PRUNE2: variants seen among roughly 807,000 people sequenced by gnomAD.
PRUNE2 encodes the protein prune homolog 2 with BCH domain.
Under a neutral mutation model 252.0 loss-of-function variants are expected in PRUNE2, and 164 were observed. The observed-to-expected ratio is 0.65, with a 90% CI of 0.57 to 0.74. The LOEUF (loss-of-function observed/expected upper bound fraction) is 0.74. Ranked by LOEUF, PRUNE2 falls within the 30% of genes least tolerant of loss-of-function variation. The pLI is 0.00. For synonymous variants in PRUNE2, 1,292 were observed against 1,350.2 expected (o/e 0.96, Z 0.94); for missense variants, 3,495 against 3,711.0 (o/e 0.94, Z 1.51).
intron 1 of PRUNE2, among the ~76,000 whole-genome samples, chr9:76,894,716 G>GAA (rs1170899729): frequency 3.6e-5 from 4 of 110,710 alleles, no homozygotes; most frequent in South Asian, 2.4e-4. Flanking sequence ...ATTTTCTGCA[G>GAA]CAAAAAAAAA....
chr9:76,870,284 T>A (rs894948874), intron 1 of PRUNE2, among the ~76,000 whole-genome samples: 3 of 152,056 alleles, frequency 2.0e-5, no homozygotes, highest in African/African-American at 7.2e-5. Flanking sequence ...AACTTTTTTT[T>A]TTTTTGCAAC....
At chr9:76,662,303 C>T (rs2039250260) in intron 9 of PRUNE2, among the ~76,000 whole-genome samples, 1 of 152,116 alleles carries the variant, frequency 6.6e-6, no homozygotes, top group Admixed American at 6.5e-5. Flanking sequence ...TGGAAGTCTC[C>T]AATTTGAGAA....
At chr9:76,790,234 G>A (rs2055423555) in intron 6 of PRUNE2, among the ~76,000 whole-genome samples, 1 of 152,152 alleles carries the variant, frequency 6.6e-6, no homozygotes, top group Non-Finnish European at 1.5e-5. Context: ...GCAGCTTGAG[G>A]AAAGAGGCCA....
At chr9:76,762,907 G>C (rs1054392359) in intron 6 of PRUNE2, among the ~76,000 whole-genome samples, 3 of 152,176 alleles carry the variant, frequency 2.0e-5, no homozygotes, top group Non-Finnish European at 1.5e-5. Flanking sequence ...TGGATATTTG[G>C]TTTCTGATTT....
chr9:76,754,055 C>T (rs1236442053), intron 6 of PRUNE2, among the ~76,000 whole-genome samples: 1 of 152,092 alleles, frequency 6.6e-6, no homozygotes, highest in East Asian at 1.9e-4. Flanking sequence ...AAAGATGAGA[C>T]TGAGACTGGA....
At position 76,709,305 on chromosome 9, in the gene PRUNE2, A is replaced by G. The variant is rs150215838; in HGVS notation, c.2969T>C (p.Phe990Ser). 360 of 1,613,932 alleles carry G rather than the reference A, an allele frequency of 2.2e-4. 1 individual carries two copies. The African/African-American group carries it at 4.3e-3, about 19-fold the overall frequency. The change falls in exon 8 of 19, where the codon TTT becomes TCT. Residue 990 changes from phenylalanine (F) to serine (S), a missense_variant. By Grantham distance (155) the Phe-to-Ser change is radical (BLOSUM62 -2). Transcript: ENST00000376718. ...TGACTCAAAACCTTCCTCTTTAGCA[A>G]ATGGCTTGTGTTCAGTTTCCTTTTC... ...GDEKETEHKP[F>S]AKEEGFESKD...
intron 1 of PRUNE2, among the ~76,000 whole-genome samples, chr9:76,880,508 A>G (rs1343406): frequency 0.031 from 4,732 of 152,324 alleles, 258 homozygotes; most frequent in African/African-American, 0.11. Context: ...AAATTATGCT[A>G]GTAGTCACTG....
chr9:76,813,991 T>C (rs2057524164), intron 6 of PRUNE2, among the ~76,000 whole-genome samples: 1 of 152,148 alleles, frequency 6.6e-6, no homozygotes, highest in Non-Finnish European at 1.5e-5. Flanking sequence ...TAATTGTATT[T>C]TTAGTAGAGA....
intron 1 of PRUNE2, among the ~76,000 whole-genome samples, chr9:76,884,668 A>C (rs891114169): frequency 6.6e-6 from 1 of 152,222 alleles, no homozygotes; most frequent in African/African-American, 2.4e-5. Flanking sequence ...CATGTCTTAA[A>C]AGTTTTTATT....
intron 4 of PRUNE2, among the ~76,000 whole-genome samples, chr9:76,832,602 T>C (rs141467208): frequency 4.1e-4 from 63 of 152,114 alleles, no homozygotes; most frequent in Middle Eastern, 3.4e-3. Context: ...GGAAATTTTA[T>C]ACCCTTAAAA....
At chr9:76,868,873 C>T (rs897846984) in intron 1 of PRUNE2, 23 of 151,018 alleles carry the variant, frequency 1.5e-4, no homozygotes, top group African/African-American at 5.3e-4. Context: ...AGGCTTCTGC[C>T]GCTGTACACT....
At position 76,840,646 on chromosome 9, in the gene PRUNE2, T is replaced by C. The variant is rs146879813; in HGVS notation, c.508+5869A>G. On this transcript the variant is annotated intron_variant, in intron 4 of 18. Transcript: ENST00000376718. The stretch of plus-strand genomic sequence containing the variant: ...ACATTTCTTATGGCAAAGATGTGCA[T>C]AAAATATCGGCATTCTTTCAAGACC... 2.2e-3 allele frequency among the ~76,000 whole-genome samples: 336 copies of C among 152,338 alleles called. 4 individuals carry two copies. The South Asian group carries it at 0.032, about 15-fold the overall frequency.
intron 9 of PRUNE2, among the ~76,000 whole-genome samples, chr9:76,701,908 G>A (rs554357030): frequency 1.3e-5 from 2 of 152,160 alleles, no homozygotes; most frequent in South Asian, 2.1e-4. Flanking sequence ...CTAATTTTAC[G>A]CATGAGAAAA....
intron 9 of PRUNE2, among the ~76,000 whole-genome samples, chr9:76,671,832 C>T (rs1471272242): frequency 1.3e-5 from 2 of 151,426 alleles, no homozygotes; most frequent in Admixed American, 6.6e-5. Flanking sequence ...AAATAAAATA[C>T]TTTACAGACA....
At chr9:76,856,469 T>C (rs191007313) in intron 1 of PRUNE2, 8 of 152,346 alleles carry the variant, frequency 5.3e-5, no homozygotes, top group African/African-American at 9.6e-5. Context: ...GCAAGATTTG[T>C]GTGCCGATTC....
chr9:76,733,911 TAA>T (rs2048849935), intron 6 of PRUNE2, among the ~76,000 whole-genome samples: 1 of 150,684 alleles, frequency 6.6e-6, no homozygotes, highest in Admixed American at 6.6e-5. Flanking sequence ...GTCTGTTCCT[TAA>T]AAGTTTTAGT....
chr9:76,803,601 C>G (rs991534370), intron 6 of PRUNE2, among the ~76,000 whole-genome samples: 1 of 152,166 alleles, frequency 6.6e-6, no homozygotes, highest in Non-Finnish European at 1.5e-5. Context: ...ACTGCAATCT[C>G]AGAGAGGGTT....
At chr9:76,869,753 A>T (rs1413136800) in intron 1 of PRUNE2, among the ~76,000 whole-genome samples, 1 of 152,230 alleles carries the variant, frequency 6.6e-6, no homozygotes, top group Non-Finnish European at 1.5e-5. Context: ...AAGTATTCTA[A>T]GCATCAGAGG....
intron 5 of PRUNE2, among the ~76,000 whole-genome samples, chr9:76,824,730 C>T (rs763014099): frequency 3.9e-5 from 6 of 152,146 alleles, no homozygotes; most frequent in African/African-American, 9.7e-5. Flanking sequence ...CCTTCCCAGA[C>T]GTATGTTAAG....
Sources: gnomAD v4.1 joint callset for allele counts (sites outside exome capture counted in the v4.1 genomes callset) on GRCh38, gnomAD v4.1.1 for gene constraint, MANE v1.5 for transcripts, NCBI Gene and HGNC (gene_info 2026-07-23, HGNC 2026-07-21) for gene names.